Variants in ZNF365 observed in about 807,000 individuals in gnomAD.
ZNF365 encodes the protein zinc finger protein 365.
A neutral mutation model predicts 35.0 loss-of-function variants in ZNF365; 22 were observed. That is an observed-to-expected ratio of 0.63 (90% CI 0.45 to 0.90). ZNF365 has a LOEUF of 0.90. Among genes scored for constraint, ZNF365 ranks in the 40% least tolerant of loss-of-function variants. The pLI is 0.00. For synonymous variants in ZNF365, 188 were observed against 196.2 expected, an observed-to-expected ratio of 0.96 and a Z score of 0.35; for missense variants, 448 against 500.3, an observed-to-expected ratio of 0.90 and a Z score of 1.00.
intron 3 of ZNF365, 136 bp from the exon 4 acceptor site, chr10:62,398,604 T>C: frequency 1.4e-6 from 1 of 721,174 alleles, no homozygotes; most frequent in Non-Finnish European, 2.4e-6. Context: ...TGGATGGTGC[T>C]GCAGGTCGTG....
intron 3 of ZNF365, among the ~76,000 whole-genome samples, chr10:62,392,912 G>A (rs1375209687): frequency 1.3e-5 from 2 of 152,224 alleles, no homozygotes; most frequent in African/African-American, 4.8e-5. Flanking sequence ...GATTACAGGC[G>A]TGAGCCACCG....
intron 3 of ZNF365, among the ~76,000 whole-genome samples, chr10:62,433,950 T>C (rs910145623): frequency 1.3e-5 from 2 of 152,164 alleles, no homozygotes; most frequent in Non-Finnish European, 2.9e-5. Context: ...AGATTCTTAG[T>C]GAGCTGTGTG....
chr10:62,404,738 T>A (rs188780350), downstream of ZNF365, among the ~76,000 whole-genome samples: 115 of 152,352 alleles, frequency 7.5e-4, no homozygotes, highest in African/African-American at 2.6e-3. Flanking sequence ...GGCTGGGTTC[T>A]TCCAAAAATA....
chr10:62,477,395 A>G lies in ZNF365; in HGVS notation c.982-2481A>G, dbSNP rs193171322. Among the ~76,000 whole-genome samples the G allele has an allele frequency of 9.4e-4, 143 of 152,360 alleles. 1 individual carries two copies. Among genetic ancestry groups the G allele is most frequent in the African/African-American group, 3.3e-3 (137 of 41,586 alleles). On this transcript the variant is annotated intron_variant, in intron 4 of 4. Coordinates refer to the ZNF365 transcript ENST00000395255. The stretch of plus-strand genomic sequence containing the variant: ...AAGTCCAGGAAAAACTACATGCTAG[A>G]TAAGAAAATCAGTTCAACTATGAAG...
Position 62,400,563 on chromosome 10 carries a change from TA to T in ZNF365, c.*778del. 3 of 986,016 alleles carry T rather than the reference TA, an allele frequency of 3.0e-6. No individual in the cohort carries two copies. The highest frequency in any genetic ancestry group is 2.4e-6 in the Non-Finnish European group (2 of 829,960). 61.1% of individuals were successfully genotyped at this position (986,016 alleles called of 1,614,324 possible). On this transcript the variant is annotated 3_prime_UTR_variant, in exon 5 of 5. Transcript: ENST00000395254. Reference sequence around the variant, plus strand: ...CTGTGGATATGGCTGGGGAGCGAAGTAAAATCCTCTTTTGATTAGCACCCAG... The same window carrying T: ...CTGTGGATATGGCTGGGGAGCGAAGTAAATCCTCTTTTGATTAGCACCCAG...
chr10:62,467,661 C>T (rs1840966753), intron 4 of ZNF365, among the ~76,000 whole-genome samples: 1 of 152,142 alleles, frequency 6.6e-6, no homozygotes, highest in African/African-American at 2.4e-5. Flanking sequence ...GTGACCTGGC[C>T]TGGACTTAAT....
At chr10:62,411,045 T>A (rs905092329) in intron 3 of ZNF365, among the ~76,000 whole-genome samples, 5 of 152,188 alleles carry the variant, frequency 3.3e-5, no homozygotes, top group African/African-American at 1.2e-4. Flanking sequence ...AAACTTTGTT[T>A]CATATGTTTG....
Position 62,401,492 on chromosome 10 carries a change from G to C in ZNF365, c.*1703G>C. The C allele has an allele frequency of 1.0e-6, 1 of 985,438 alleles. No individual in the cohort carries two copies. Among genetic ancestry groups the C allele is most frequent in the South Asian group, 4.7e-5 (1 of 21,286 alleles). 61.0% of individuals were successfully genotyped at this position (985,438 alleles called of 1,614,324 possible). A position where few individuals can be genotyped will look rare whatever the true frequency, so the allele number is the denominator to read the frequency against. On this transcript the variant is annotated 3_prime_UTR_variant, in exon 5 of 5. Coordinates refer to ENST00000395254, the MANE Select transcript of ZNF365 (RefSeq NM_014951.3). Reference sequence around the variant, plus strand: ...CACTTTGACTTTCAGTTTATGGGGGGGGTAGATCATTCATGTGATATATAA... The same window carrying C: ...CACTTTGACTTTCAGTTTATGGGGGCGGTAGATCATTCATGTGATATATAA...
intron 3 of ZNF365, among the ~76,000 whole-genome samples, chr10:62,453,161 T>G (rs1840710292): frequency 6.6e-6 from 1 of 152,228 alleles, no homozygotes; most frequent in African/African-American, 2.4e-5. Flanking sequence ...ATTGATGAGG[T>G]ACAAATTTAA....
At chr10:62,380,713 G>A (rs1839423743) in intron 2 of ZNF365, among the ~76,000 whole-genome samples, 1 of 152,186 alleles carries the variant, frequency 6.6e-6, no homozygotes, top group Non-Finnish European at 1.5e-5. Flanking sequence ...AAAAGTTCTA[G>A]TGAAACAGGT....
intron 3 of ZNF365, among the ~76,000 whole-genome samples, chr10:62,431,970 G>A (rs1840341399): frequency 1.3e-5 from 2 of 152,078 alleles, no homozygotes; most frequent in South Asian, 2.1e-4. Context: ...GAGACCTGAG[G>A]TAACTTACAG....
intron 3 of ZNF365, among the ~76,000 whole-genome samples, chr10:62,421,644 T>C (rs1431120172): frequency 6.6e-6 from 1 of 152,214 alleles, no homozygotes; most frequent in Non-Finnish European, 1.5e-5. Context: ...GCTTTAATGA[T>C]AGAGATATGC....
At chr10:62,473,248 C>T (rs964444473) in intron 4 of ZNF365, among the ~76,000 whole-genome samples, 8 of 152,158 alleles carry the variant, frequency 5.3e-5, no homozygotes, top group African/African-American at 1.4e-4. Flanking sequence ...CTTTGTGGGT[C>T]GAGTGGGACC....
At chr10:62,439,427 TC>T (rs1212564147) in intron 3 of ZNF365, among the ~76,000 whole-genome samples, 2 of 151,990 alleles carry the variant, frequency 1.3e-5, no homozygotes, top group Admixed American at 1.3e-4. Flanking sequence ...TAACAATGCC[TC>T]CCTTTCCCAG....
At chr10:62,449,178 A>G (rs1389477678) in intron 3 of ZNF365, among the ~76,000 whole-genome samples, 1 of 152,204 alleles carries the variant, frequency 6.6e-6, no homozygotes, top group Non-Finnish European at 1.5e-5. Flanking sequence ...CTTGCTTATG[A>G]TACTATTTAT....
chr10:62,456,189 C>A (rs983837090), intron 3 of ZNF365, among the ~76,000 whole-genome samples: 2 of 151,832 alleles, frequency 1.3e-5, no homozygotes, highest in Non-Finnish European at 2.9e-5. Flanking sequence ...TTTAAATGAC[C>A]AACTGCTGCT....
chr10:62,449,391 A>G (rs1289413262), intron 3 of ZNF365, among the ~76,000 whole-genome samples: 1 of 152,178 alleles, frequency 6.6e-6, no homozygotes, highest in African/African-American at 2.4e-5. Flanking sequence ...TCTTGACCTA[A>G]TGGTGATTAC....
intron 3 of ZNF365, among the ~76,000 whole-genome samples, chr10:62,441,278 C>T (rs1441793358): frequency 6.6e-6 from 1 of 152,084 alleles, no homozygotes. Context: ...CATTCTACAC[C>T]CATTGGCAGT....
chr10:62,379,355 T>G (rs1332510305), intron 2 of ZNF365, among the ~76,000 whole-genome samples: 3 of 152,088 alleles, frequency 2.0e-5, no homozygotes, highest in African/African-American at 7.2e-5. Context: ...ATTTCTGGAC[T>G]AATAGAAAAA....
Sources: gnomAD v4.1 joint callset for allele counts (sites outside exome capture counted in the v4.1 genomes callset) on GRCh38, gnomAD v4.1.1 for gene constraint, MANE v1.5 for transcripts, NCBI Gene and HGNC (gene_info 2026-07-23, HGNC 2026-07-21) for gene names.